The following NWD1 variants were observed in gnomAD, a reference collection of about 807,000 sequenced individuals.
The protein encoded by NWD1 is NACHT domain- and WD repeat-containing protein 1.
A neutral mutation model predicts 135.1 loss-of-function variants in NWD1; 129 were observed. The ratio of observed to expected loss-of-function variants is 0.96; its 90% CI spans 0.83 to 1.11. NWD1 has a LOEUF of 1.11. Ranked by LOEUF, NWD1 falls within the 50% of genes least tolerant of loss-of-function variation. The pLI, the probability that NWD1 is intolerant of heterozygous loss-of-function variation, is 0.00. For missense variants in NWD1, 1,740 were observed against 1,851.3 expected, an observed-to-expected ratio of 0.94 and a Z score of 1.10; for synonymous variants, 773 against 786.0, an observed-to-expected ratio of 0.98 and a Z score of 0.28.
chr19:16,790,016 C>T (rs1399635197), intron 13 of NWD1, among the ~76,000 whole-genome samples: 6 of 152,176 alleles, frequency 3.9e-5, no homozygotes, highest in African/African-American at 1.4e-4. Context: ...TCATGCCTAG[C>T]TTGTTTTATA....
rs117696912 is a variant in NWD1 at position 16,724,377 on chromosome 19, G to A, written c.-93G>A. ...CTTTCATTTCACAGACCATGCGGCC[G>A]ATGCCCTGGGAGGGAGACCACTTGC... On this transcript the variant is annotated 5_prime_UTR_variant, in exon 2 of 19. Coordinates refer to ENST00000524140, the MANE Select transcript of NWD1 (RefSeq NM_001007525.5). The A allele has an allele frequency of 5.6e-3, 860 of 152,308 alleles. 4 individuals are homozygous for A. Among genetic ancestry groups the A allele is most frequent in the Non-Finnish European group, 9.5e-3 (648 of 68,056 alleles). 9.4% of individuals were successfully genotyped at this position (152,308 alleles called of 1,614,324 possible). A position where few individuals can be genotyped will look rare whatever the true frequency, so the allele number is the denominator to read the frequency against.
chr19:16,814,441 C>T (rs1248527464), intron 18 of NWD1, among the ~76,000 whole-genome samples: 1 of 152,176 alleles, frequency 6.6e-6, no homozygotes, highest in Non-Finnish European at 1.5e-5. Flanking sequence ...AGTATCATTG[C>T]TATCCTTGTT....
chr19:16,790,606 A>G (rs1051512779), intron 13 of NWD1, among the ~76,000 whole-genome samples: 18 of 150,526 alleles, frequency 1.2e-4, no homozygotes, highest in African/African-American at 4.4e-4. Flanking sequence ...CGTTCGGCAC[A>G]TGTATCCCAA....
chr19:16,815,431 T>C lies in NWD1; in HGVS notation c.*392T>C, dbSNP rs916847448. 3.3e-6 allele frequency: 2 copies of C among 609,190 alleles called. No individual in the cohort carries two copies. Among genetic ancestry groups the C allele is most frequent in the African/African-American group, 3.7e-5 (2 of 53,962 alleles). The allele number at this position is 609,190 out of a possible 1,614,324, so 37.7% of individuals were successfully genotyped here. On this transcript the variant is annotated 3_prime_UTR_variant, in exon 19 of 19. Coordinates refer to ENST00000524140, the MANE Select transcript of NWD1 (RefSeq NM_001007525.5). Reference sequence around the variant, plus strand: ...AAGAATACGTTTGCTGGTGTATATCTGGACCCATGGCTTCAGATTATGGCT... The same window carrying C: ...AAGAATACGTTTGCTGGTGTATATCCGGACCCATGGCTTCAGATTATGGCT...
At chr19:16,804,348 A>G (rs1970690000) in intron 17 of NWD1, among the ~76,000 whole-genome samples, 2 of 152,124 alleles carry the variant, frequency 1.3e-5, no homozygotes, top group African/African-American at 4.8e-5. Context: ...TAGGAGGCTG[A>G]GGAGAGAGGA....
intron 12 of NWD1, among the ~76,000 whole-genome samples, chr19:16,780,968 T>C (rs1969833672): frequency 6.6e-6 from 1 of 152,166 alleles, no homozygotes; most frequent in Non-Finnish European, 1.5e-5. Flanking sequence ...CTAGGCTTCA[T>C]TTTTTGATGG....
rs777057909 is a variant in NWD1, at chr19:16,749,368, C to T, written c.726C>T (p.His242=). ...TGCACCCAGGGGTCCTCAAGACCCA[C>T]CGCCTGCCGTGGAGCCGCGACTTGG... ...TDMHPGVLKT[H]RLPWSRDLVN... is the part of the protein sequence containing the mutation. The change falls in exon 6 of 19, where the codon CAC becomes CAT. Residue 242 remains histidine (H), a synonymous_variant. Transcript: ENST00000524140. 3.7e-6 allele frequency: 6 copies of T among 1,613,582 alleles called. No homozygotes were observed. In the East Asian group the frequency reaches 1.1e-4, roughly 30 times the overall value.
At chr19:16,776,767 A>C (rs1442504295) in intron 11 of NWD1, among the ~76,000 whole-genome samples, 1 of 142,932 alleles carries the variant, frequency 7.0e-6, no homozygotes, top group Non-Finnish European at 1.5e-5. Context: ...TGCCTCTACA[A>C]AAAGTTAAAA....
At chr19:16,787,035 T>G (rs1799949434) in intron 12 of NWD1, among the ~76,000 whole-genome samples, 2 of 152,226 alleles carry the variant, frequency 1.3e-5, no homozygotes, top group South Asian at 4.1e-4. Flanking sequence ...CCTGAAGTTT[T>G]ACATTTCTAC....
At chr19:16,764,361 GTCCATCCATCCATCCATCCATCCATCCA>G (rs71180332) in intron 9 of NWD1, among the ~76,000 whole-genome samples, 2 of 145,092 alleles carry the variant, frequency 1.4e-5, no homozygotes, top group Non-Finnish European at 3.0e-5. Context: ...CCCATCTTCT[GTCCATCCATCCATCCATCCATCCATCCA>G]TCCATCCATC....
chr19:16,738,876 A>G (rs867669859), intron 4 of NWD1, among the ~76,000 whole-genome samples: 66 of 138,410 alleles, frequency 4.8e-4, no homozygotes, highest in African/African-American at 1.7e-3. Context: ...TATATAATAC[A>G]TTATATATTA....
chr19:16,794,501 A>G lies in NWD1; in HGVS notation c.3252A>G (p.Pro1084=). 6.2e-7 allele frequency: 1 copy of G among 1,612,024 alleles called. No homozygotes were observed. Among genetic ancestry groups the G allele is most frequent in the Non-Finnish European group, 8.5e-7 (1 of 1,178,930 alleles). Residue 1084 remains proline (P), a synonymous_variant, in exon 15 of 19, where the codon CCA becomes CCG. Coordinates refer to ENST00000524140, the MANE Select transcript of NWD1 (RefSeq NM_001007525.5). ...SKGDRLLEKL[P]DAVRFLVVSE... is the part of the protein sequence containing the mutation. ...GGGACAGATTGCTGGAGAAGCTTCCAGATGCTGTGAGGTTCCTGGTGGTCT... is the reference window on the plus strand; with the variant it reads ...GGGACAGATTGCTGGAGAAGCTTCCGGATGCTGTGAGGTTCCTGGTGGTCT...
intron 18 of NWD1, among the ~76,000 whole-genome samples, chr19:16,813,622 G>A (rs556220464): frequency 8.6e-5 from 13 of 151,958 alleles, no homozygotes; most frequent in Middle Eastern, 3.4e-3. Flanking sequence ...GATTACGGGC[G>A]CCCACCACCA....
intron 6 of NWD1, among the ~76,000 whole-genome samples, chr19:16,755,033 C>A (rs1179462840): frequency 6.6e-6 from 1 of 152,186 alleles, no homozygotes; most frequent in Non-Finnish European, 1.5e-5. Flanking sequence ...CTATACCTAT[C>A]TAACTCTATA....
chr19:16,723,500 G>T (rs1412962291), intron 1 of NWD1, among the ~76,000 whole-genome samples: 4 of 151,666 alleles, frequency 2.6e-5, no homozygotes, highest in Admixed American at 1.3e-4. Flanking sequence ...ATTTTGTAGA[G>T]ACACTGTCTC....
Position 16,800,176 on chromosome 19 carries a change from A to G in NWD1, c.3736+14A>G, listed in dbSNP as rs753752543. 7 of 1,586,598 alleles carry G rather than the reference A, an allele frequency of 4.4e-6. No homozygotes were observed. In the Admixed American group the frequency reaches 8.8e-5, roughly 20 times the overall value. ...ACTTGGCAGAAGGTTGGTAAGGTAT[A>G]AGTATGGTCATTTTTGTGGGTAAGG... On this transcript the variant is annotated intron_variant, in intron 17 of 18. Transcript: ENST00000524140.
At chr19:16,769,997 C>T (rs898618090) in intron 10 of NWD1, among the ~76,000 whole-genome samples, 2 of 152,216 alleles carry the variant, frequency 1.3e-5, no homozygotes, top group African/African-American at 4.8e-5. Flanking sequence ...ACCACCACCC[C>T]TGGCTTGTCT....
Position 16,792,526 on chromosome 19 carries a change from C to T in NWD1, c.3213+904C>T, listed in dbSNP as rs147650019. Among the ~76,000 whole-genome samples the T allele has an allele frequency of 8.9e-3, 1,354 of 152,012 alleles. 27 individuals are homozygous for T. The highest frequency in any genetic ancestry group is 0.031 in the African/African-American group (1,301 of 41,452). On this transcript the variant is annotated intron_variant, in intron 14 of 18. Coordinates refer to ENST00000524140, the MANE Select transcript of NWD1 (RefSeq NM_001007525.5). The stretch of plus-strand genomic sequence containing the variant: ...ACCTCATCTCTACTAAAAAAGCATA[C>T]AAAAAATTAGCCGGGCGTGGTGGTG...
intron 4 of NWD1, among the ~76,000 whole-genome samples, chr19:16,740,638 T>G (rs1291254198): frequency 1.3e-5 from 2 of 148,254 alleles, no homozygotes; most frequent in African/African-American, 5.0e-5. Context: ...GCGCCCAGAC[T>G]TCTATTTTTT....
Sources: allele counts gnomAD v4.1 joint callset (sites outside exome capture counted in the v4.1 genomes callset), GRCh38; gene constraint gnomAD v4.1.1; transcripts MANE v1.5; gene names NCBI Gene and HGNC (gene_info 2026-07-23, HGNC 2026-07-21).